The following STK32B variants were observed in gnomAD, a reference collection of about 807,000 sequenced individuals.
STK32B encodes serine/threonine-protein kinase 32B.
Under a neutral mutation model 52.6 loss-of-function variants are expected in STK32B, and 43 were observed. The ratio of observed to expected loss-of-function variants is 0.82; its 90% CI spans 0.64 to 1.05. The LOEUF (loss-of-function observed/expected upper bound fraction) is 1.05. STK32B is among the 50% of genes least tolerant of loss of function. STK32B has a pLI of 0.00. For missense variants in STK32B, 621 were observed against 534.6 expected, an observed-to-expected ratio of 1.16 and a Z score of -1.59; for synonymous variants, 238 against 204.3, an observed-to-expected ratio of 1.17 and a Z score of -1.41.
chr4:5,389,406 T>G (rs1392742989), intron 4 of STK32B, among the ~76,000 whole-genome samples: 1 of 151,586 alleles, frequency 6.6e-6, no homozygotes, highest in African/African-American at 2.4e-5. Flanking sequence ...TGCCAGCAGG[T>G]TTCGTTTCCT....
At chr4:5,175,300 A>G (rs1228417463) in intron 3 of STK32B, among the ~76,000 whole-genome samples, 1 of 151,686 alleles carries the variant, frequency 6.6e-6, no homozygotes, top group South Asian at 2.1e-4. Context: ...TCTTCTCTCA[A>G]CTCGTCAAAG....
chr4:5,454,318 C>T (rs564502035), intron 7 of STK32B, among the ~76,000 whole-genome samples: 2 of 152,024 alleles, frequency 1.3e-5, no homozygotes, highest in African/African-American at 2.4e-5. Context: ...TTCTGAAGGC[C>T]AGAAGTCTGA....
intron 3 of STK32B, among the ~76,000 whole-genome samples, chr4:5,290,440 A>C (rs1357078261): frequency 6.6e-6 from 1 of 152,166 alleles, no homozygotes; most frequent in Non-Finnish European, 1.5e-5. Context: ...ACTAAGACAC[A>C]AACACAAACA....
intron 4 of STK32B, among the ~76,000 whole-genome samples, chr4:5,333,397 G>T (rs1318389791): frequency 6.6e-6 from 1 of 152,168 alleles, no homozygotes; most frequent in Admixed American, 6.5e-5. Flanking sequence ...AGATGAGTAG[G>T]TTGGGAAAAT....
rs1332541571 is a variant in STK32B at position 5,307,393 on chromosome 4, C to T, written c.261-23827C>T. Reference sequence around the variant, plus strand: ...TTAATTTGAAAACCTTGTCTTCAATCTCTGAAGTTCTTTCTTCTACTTGTT... The same window carrying T: ...TTAATTTGAAAACCTTGTCTTCAATTTCTGAAGTTCTTTCTTCTACTTGTT... On this transcript the variant is annotated intron_variant, in intron 3 of 11. Transcript: ENST00000282908. Among the ~76,000 whole-genome samples, 5 of 152,112 alleles carry T rather than the reference C, an allele frequency of 3.3e-5. No individual in the cohort carries two copies. The South Asian group carries it at 1.0e-3, about 31-fold the overall frequency.
chr4:5,188,067 C>T (rs1218663589), intron 3 of STK32B, among the ~76,000 whole-genome samples: 1 of 152,156 alleles, frequency 6.6e-6, no homozygotes, highest in Non-Finnish European at 1.5e-5. Context: ...TTAAAGGAGA[C>T]CCCGTGCATG....
At chr4:5,105,585 A>G (rs985721481) in intron 1 of STK32B, among the ~76,000 whole-genome samples, 14 of 151,218 alleles carry the variant, frequency 9.3e-5, no homozygotes, top group African/African-American at 3.4e-4. Context: ...TTTTTCTGAG[A>G]CGGAGTATCG....
chr4:5,119,341 A>C lies in STK32B; in HGVS notation c.53-20564A>C, dbSNP rs149622028. On this transcript the variant is annotated intron_variant, in intron 1 of 11. Transcript: ENST00000282908. ...TCTCTTAGCTGGAAGGACTCAAGGA[A>C]GGAACTAGAGCACCTCCCACCAACG... 4.5e-4 allele frequency among the ~76,000 whole-genome samples: 69 copies of C among 152,356 alleles called. 1 individual carries two copies. The East Asian group carries it at 0.013, about 29-fold the overall frequency.
chr4:5,455,611 C>A (rs1363424037), intron 7 of STK32B, among the ~76,000 whole-genome samples: 1 of 152,094 alleles, frequency 6.6e-6, no homozygotes, highest in Non-Finnish European at 1.5e-5. Flanking sequence ...ACCTGGAAAC[C>A]CCAAACCCAG....
intron 2 of STK32B, among the ~76,000 whole-genome samples, chr4:5,141,385 T>A (rs1469742412): frequency 6.6e-6 from 1 of 152,180 alleles, no homozygotes; most frequent in Non-Finnish European, 1.5e-5. Context: ...GGGAGTGTGC[T>A]CTGTGTCTTT....
chr4:5,126,990 CT>C, intron 1 of STK32B: 1 of 438,112 alleles, frequency 2.3e-6, no homozygotes, highest in Non-Finnish European at 4.6e-6. Context: ...ATTCCCTCTC[CT>C]TTTGCACAGA....
In STK32B at chr4:5,396,408, A is replaced by C. The variant is rs28475295; in HGVS notation, c.435-1799A>C. On this transcript the variant is annotated intron_variant, in intron 4 of 11. Transcript: ENST00000282908. The surrounding 1 kb of genome is among the most constrained non-coding windows in gnomAD (Gnocchi z 4.7). ...GTCCTCCCTAAATCCAGGATGATTCATCTTGAGATCCTTAAGTAATTACCT... is the reference window on the plus strand; with the variant it reads ...GTCCTCCCTAAATCCAGGATGATTCCTCTTGAGATCCTTAAGTAATTACCT... Among the ~76,000 whole-genome samples the C allele has an allele frequency of 1.3e-5, 2 of 152,124 alleles. No homozygotes were observed. Among genetic ancestry groups the C allele is most frequent in the East Asian group, 1.9e-4 (1 of 5,166 alleles).
intron 11 of STK32B, among the ~76,000 whole-genome samples, chr4:5,473,095 G>A (rs1717966608): frequency 6.6e-6 from 1 of 152,126 alleles, no homozygotes; most frequent in Non-Finnish European, 1.5e-5. Flanking sequence ...AATATCATTG[G>A]TATTCTCAAG....
chr4:5,307,646 G>C (rs1023412304), intron 3 of STK32B, among the ~76,000 whole-genome samples: 1 of 149,886 alleles, frequency 6.7e-6, no homozygotes, highest in African/African-American at 2.5e-5. Context: ...CAATTCATTT[G>C]GATCTATTGC....
chr4:5,450,096 C>G (rs755040284), intron 7 of STK32B, among the ~76,000 whole-genome samples: 25 of 152,222 alleles, frequency 1.6e-4, no homozygotes, highest in Non-Finnish European at 2.4e-4. Context: ...TGCAGAGAAC[C>G]CTGTGCTTTT....
intron 3 of STK32B, among the ~76,000 whole-genome samples, chr4:5,278,607 G>T (rs763174664): frequency 4.4e-4 from 67 of 152,226 alleles, no homozygotes; most frequent in Admixed American, 9.2e-4. Flanking sequence ...GAAAACCTAG[G>T]CATATACCTC....
intron 3 of STK32B, among the ~76,000 whole-genome samples, chr4:5,222,583 C>A (rs1031543254): frequency 6.6e-6 from 1 of 152,144 alleles, no homozygotes; most frequent in African/African-American, 2.4e-5. Flanking sequence ...AAGAACTTGG[C>A]TGAATTGTGT....
intron 3 of STK32B, among the ~76,000 whole-genome samples, chr4:5,258,269 C>T (rs911292962): frequency 6.6e-6 from 1 of 152,166 alleles, no homozygotes; most frequent in African/African-American, 2.4e-5. Flanking sequence ...GGTTCAAGCC[C>T]CAGTGTGTCA....
chr4:5,408,367 C>G (rs1026174297), intron 5 of STK32B, among the ~76,000 whole-genome samples: 2 of 152,002 alleles, frequency 1.3e-5, no homozygotes, highest in African/African-American at 4.8e-5. Context: ...AGCACCTACC[C>G]CCGTCTCTCT....
Sources: allele counts gnomAD v4.1 joint callset (sites outside exome capture counted in the v4.1 genomes callset), GRCh38; gene constraint gnomAD v4.1.1; non-coding constraint Gnocchi (gnomAD v3.1); transcripts MANE v1.5; gene names NCBI Gene and HGNC (gene_info 2026-07-23, HGNC 2026-07-21).